NEGR1: variants seen among roughly 807,000 people sequenced by gnomAD.
The protein encoded by NEGR1 is IgLON family member 4.
Under a neutral mutation model 40.9 loss-of-function variants are expected in NEGR1, and 10 were observed. The ratio of observed to expected loss-of-function variants is 0.24; its 90% CI spans 0.15 to 0.42. NEGR1 has a LOEUF of 0.42. Among genes scored for constraint, NEGR1 ranks in the 10% least tolerant of loss-of-function variants. NEGR1 has a pLI of 1.00. For synonymous variants in NEGR1, 185 were observed against 166.8 expected, an observed-to-expected ratio of 1.11 and a Z score of -0.84; for missense variants, 352 against 438.9, an observed-to-expected ratio of 0.80 and a Z score of 1.77.
intron 4 of NEGR1, among the ~76,000 whole-genome samples, chr1:71,624,835 G>C (rs772267992): frequency 6.6e-6 from 1 of 151,664 alleles, no homozygotes; most frequent in Non-Finnish European, 1.5e-5. Context: ...CATCCTTACT[G>C]TTCTCCATCC....
chr1:71,775,001 T>C (rs1226460845), intron 3 of NEGR1, among the ~76,000 whole-genome samples: 2 of 152,180 alleles, frequency 1.3e-5, no homozygotes, highest in Non-Finnish European at 2.9e-5. Context: ...ACAAGCTACA[T>C]AAACTCTTGG....
chr1:71,808,988 A>G (rs1250696490), intron 2 of NEGR1, among the ~76,000 whole-genome samples: 3 of 152,122 alleles, frequency 2.0e-5, no homozygotes, highest in African/African-American at 7.2e-5. Context: ...TTATTTTTCC[A>G]TTTACATGAT....
rs523183 is a variant in NEGR1, at chr1:71,860,712, C to T, written c.409+74367G>A. ...CTTAAATCACATTCTTAAGGAATTA[C>T]AGAAGGATAAGTTTTAGAGTTAAAA... On this transcript the variant is annotated intron_variant, in intron 2 of 6. Coordinates refer to ENST00000357731, the MANE Select transcript of NEGR1 (RefSeq NM_173808.3). 2.8e-3 allele frequency among the ~76,000 whole-genome samples: 422 copies of T among 151,956 alleles called. 1 individual carries two copies. Among genetic ancestry groups the T allele is most frequent in the African/African-American group, 9.8e-3 (405 of 41,480 alleles).
At chr1:71,655,081 C>T (rs539302929) in intron 4 of NEGR1, among the ~76,000 whole-genome samples, 51 of 152,288 alleles carry the variant, frequency 3.3e-4, no homozygotes, top group African/African-American at 1.1e-3. Flanking sequence ...AAAAACTACA[C>T]AGTTTTAATT....
At chr1:71,747,934 T>C (rs1655441985) in intron 3 of NEGR1, among the ~76,000 whole-genome samples, 1 of 152,072 alleles carries the variant, frequency 6.6e-6, no homozygotes, top group African/African-American at 2.4e-5. Flanking sequence ...CTAATTCCTA[T>C]CATCCAGGTT....
intron 6 of NEGR1, among the ~76,000 whole-genome samples, chr1:71,561,928 CTT>C (rs72262470): frequency 7.1e-6 from 1 of 140,016 alleles, no homozygotes; most frequent in African/African-American, 2.6e-5. Context: ...TTTGCTAGAG[CTT>C]TTTTTTTTTT....
chr1:71,551,699 C>G (rs1168473422), intron 6 of NEGR1, among the ~76,000 whole-genome samples: 2 of 151,504 alleles, frequency 1.3e-5, no homozygotes, highest in Admixed American at 6.6e-5. Flanking sequence ...AGTTTCAAAA[C>G]CCTTTTCAGT....
chr1:71,824,638 T>C (rs1232247646), intron 2 of NEGR1, among the ~76,000 whole-genome samples: 1 of 151,958 alleles, frequency 6.6e-6, no homozygotes, highest in Non-Finnish European at 1.5e-5. Flanking sequence ...AGTTATAGAA[T>C]ATTTCCATTC....
chr1:71,689,414 T>C (rs1468212145), intron 4 of NEGR1, among the ~76,000 whole-genome samples: 3 of 152,206 alleles, frequency 2.0e-5, no homozygotes, highest in Admixed American at 2.0e-4. Flanking sequence ...TAGATTTAAG[T>C]CTTTTGCCCA....
chr1:71,700,153 A>G (rs1218123300), intron 3 of NEGR1, among the ~76,000 whole-genome samples: 1 of 151,984 alleles, frequency 6.6e-6, no homozygotes, highest in Admixed American at 6.6e-5. Flanking sequence ...AAAAATATTT[A>G]CCTTTTTAAA....
intron 4 of NEGR1, among the ~76,000 whole-genome samples, chr1:71,696,700 C>T (rs1557617256): frequency 1.3e-5 from 2 of 151,780 alleles, no homozygotes; most frequent in Non-Finnish European, 2.9e-5. Context: ...AGCAGTAGCT[C>T]TCTGCAATAA....
chr1:72,058,066 T>C (rs1322813118), intron 1 of NEGR1, among the ~76,000 whole-genome samples: 1 of 151,494 alleles, frequency 6.6e-6, no homozygotes, highest in East Asian at 1.9e-4. Context: ...TTGGGAAACA[T>C]CTGAAGAACA....
intron 4 of NEGR1, among the ~76,000 whole-genome samples, chr1:71,679,218 C>T (rs1652746136): frequency 6.6e-6 from 1 of 152,072 alleles, no homozygotes; most frequent in Admixed American, 6.6e-5. Context: ...ATGGAGTCTT[C>T]TCGAATTCTT....
chr1:71,653,009 C>T (rs1361217951), intron 4 of NEGR1, among the ~76,000 whole-genome samples: 1 of 152,184 alleles, frequency 6.6e-6, no homozygotes, highest in Admixed American at 6.5e-5. Flanking sequence ...GACTCATTGA[C>T]CTCCCTGCCC....
At chr1:72,247,601 AC>A (rs1654942946) in intron 1 of NEGR1, among the ~76,000 whole-genome samples, 1 of 152,104 alleles carries the variant, frequency 6.6e-6, no homozygotes, top group Admixed American at 6.5e-5. Flanking sequence ...CTGAGACCTC[AC>A]CATCTTGGTC....
At chr1:71,591,291 T>C (rs1367054022) in intron 6 of NEGR1, among the ~76,000 whole-genome samples, 1 of 152,180 alleles carries the variant, frequency 6.6e-6, no homozygotes, top group African/African-American at 2.4e-5. Context: ...CAGCACTATA[T>C]TATTTCCAGA....
At chr1:71,686,370 G>A (rs1467964811) in intron 4 of NEGR1, among the ~76,000 whole-genome samples, 1 of 152,116 alleles carries the variant, frequency 6.6e-6, no homozygotes, top group Non-Finnish European at 1.5e-5. Context: ...GGGAGTGAAA[G>A]GGGGTAGGGG....
At chr1:71,786,421 G>A (rs1380154690) in intron 2 of NEGR1, among the ~76,000 whole-genome samples, 4 of 152,122 alleles carry the variant, frequency 2.6e-5, no homozygotes, top group Non-Finnish European at 5.9e-5. Context: ...TCTCAACACT[G>A]TGCTCTAGAA....
intron 1 of NEGR1, among the ~76,000 whole-genome samples, chr1:72,077,651 A>T (rs954744921): frequency 1.6e-4 from 24 of 151,266 alleles, no homozygotes; most frequent in South Asian, 6.3e-4. Context: ...TAAATAAATA[A>T]ATAAATAAAT....
Sources: allele counts gnomAD v4.1 joint callset (sites outside exome capture counted in the v4.1 genomes callset), GRCh38; gene constraint gnomAD v4.1.1; transcripts MANE v1.5; gene names NCBI Gene and HGNC (gene_info 2026-07-23, HGNC 2026-07-21).